Variants in SOX6 observed in about 807,000 individuals in gnomAD.
SOX6 encodes the protein transcription factor SOX-6.
SOX6 carries 11 observed loss-of-function variants against 97.8 expected under a neutral mutation model. The observed-to-expected ratio is 0.11, with a 90% CI of 0.07 to 0.19. The LOEUF is 0.19. SOX6 is among the 10% of genes least tolerant of loss of function. The probability of loss-of-function intolerance (pLI) is 1.00; values close to 1 mark genes in which losing one functional copy is unlikely to be tolerated. For synonymous variants in SOX6, 360 were observed against 371.4 expected (o/e 0.97, Z 0.35); for missense variants, 810 against 1,039.5 (o/e 0.78, Z 3.04).
chr11:16,410,218 A>C (rs1858776085), intron 1 of SOX6, among the ~76,000 whole-genome samples: 1 of 152,186 alleles, frequency 6.6e-6, no homozygotes, highest in African/African-American at 2.4e-5. Context: ...TAAATAAAGA[A>C]ATTTTAAAAG....
chr11:16,601,562 C>T (rs1848269993), intron 4 of SOX6, among the ~76,000 whole-genome samples: 1 of 151,994 alleles, frequency 6.6e-6, no homozygotes, highest in African/African-American at 2.4e-5. Context: ...TGCTTTCAAA[C>T]ATGGAAAGAG....
At chr11:16,223,464 T>C (rs1442363109) in intron 4 of SOX6, among the ~76,000 whole-genome samples, 1 of 152,166 alleles carries the variant, frequency 6.6e-6, no homozygotes, top group Non-Finnish European at 1.5e-5. Flanking sequence ...CATATTATTC[T>C]GATGTTACCC....
Position 16,735,565 on chromosome 11 carries a change from T to C in SOX6, n.353+774A>G, listed in dbSNP as rs1002779091. ...GACATATATGAAGCATCTTATTTAA[T>C]GTTGGGTTATATTGGCACAGTGGAA... is the stretch of plus-strand genomic sequence containing the variant. On this transcript the variant is annotated intron_variant and non_coding_transcript_variant, in intron 2 of 5. Transcript: ENST00000524520. 2.6e-5 allele frequency among the ~76,000 whole-genome samples: 4 copies of C among 152,202 alleles called. No individual in the cohort carries two copies. The South Asian group carries it at 6.2e-4, about 24-fold the overall frequency.
At chr11:16,407,728 G>C (rs917782105) in intron 1 of SOX6, among the ~76,000 whole-genome samples, 1 of 152,036 alleles carries the variant, frequency 6.6e-6, no homozygotes, top group Non-Finnish European at 1.5e-5. Context: ...CTTCATTTGA[G>C]CCAGCCCTGA....
chr11:16,578,627 ATTTCCTT>A (rs2133965755), intron 4 of SOX6, among the ~76,000 whole-genome samples: 1 of 152,222 alleles, frequency 6.6e-6, no homozygotes, highest in South Asian at 2.1e-4. Flanking sequence ...ATTTTGTTAG[ATTTCCTT>A]TTTCAAAATT....
chr11:16,499,904 C>T (rs1409477994), intron 4 of SOX6, among the ~76,000 whole-genome samples: 1 of 152,176 alleles, frequency 6.6e-6, no homozygotes, highest in African/African-American at 2.4e-5. Flanking sequence ...GGTACCATTC[C>T]TTCTGAAACT....
At chr11:16,068,687 C>A (rs1423839450) in intron 9 of SOX6, among the ~76,000 whole-genome samples, 1 of 152,126 alleles carries the variant, frequency 6.6e-6, no homozygotes, top group Admixed American at 6.5e-5. Flanking sequence ...TTTTCTATTG[C>A]ACCATTTTTT....
chr11:16,402,855 T>C, intron 1 of SOX6: 1 of 1,541,264 alleles, frequency 6.5e-7, no homozygotes, highest in Non-Finnish European at 8.8e-7. Flanking sequence ...CCCAATGGTC[T>C]CTCCTAACAA....
intron 6 of SOX6, among the ~76,000 whole-genome samples, chr11:16,138,009 G>C (rs544127892): frequency 6.6e-6 from 1 of 152,120 alleles, no homozygotes; most frequent in Non-Finnish European, 1.5e-5. Context: ...CCAGTCTCAG[G>C]TATGTCTTCA....
chr11:16,046,090 T>A (rs1271700148), intron 12 of SOX6, among the ~76,000 whole-genome samples: 1 of 152,140 alleles, frequency 6.6e-6, no homozygotes, highest in Non-Finnish European at 1.5e-5. Context: ...TTTTGCTTCA[T>A]TTTTTTGTCC....
intron 1 of SOX6, among the ~76,000 whole-genome samples, chr11:16,353,787 C>T (rs1394206183): frequency 1.3e-5 from 2 of 151,916 alleles, no homozygotes; most frequent in Non-Finnish European, 2.9e-5. Flanking sequence ...GCACACCTAC[C>T]AAGGTACAGA....
chr11:16,102,270 C>G (rs956172641), intron 7 of SOX6, among the ~76,000 whole-genome samples: 1 of 151,852 alleles, frequency 6.6e-6, no homozygotes, highest in Non-Finnish European at 1.5e-5. Context: ...AGAACTCAAC[C>G]CCTTTCACAA....
At chr11:16,512,329 C>T (rs1010382424) in intron 4 of SOX6, among the ~76,000 whole-genome samples, 1 of 152,154 alleles carries the variant, frequency 6.6e-6, no homozygotes, top group Non-Finnish European at 1.5e-5. Context: ...AATCAGTTTA[C>T]GGTTTCAACA....
intron 1 of SOX6, among the ~76,000 whole-genome samples, chr11:16,395,676 G>C (rs1330571211): frequency 6.6e-6 from 1 of 151,708 alleles, no homozygotes; most frequent in Non-Finnish European, 1.5e-5. Context: ...CTAAGAAAAA[G>C]TATTTCTTGG....
At chr11:16,233,889 C>T (rs998517710) in intron 4 of SOX6, among the ~76,000 whole-genome samples, 4 of 151,650 alleles carry the variant, frequency 2.6e-5, no homozygotes, top group African/African-American at 9.7e-5. Flanking sequence ...CGCCTATAGG[C>T]CCAGCTACTC....
chr11:16,675,777 GGC>G (rs1219742630), intron 3 of SOX6, among the ~76,000 whole-genome samples: 1 of 152,146 alleles, frequency 6.6e-6, no homozygotes, highest in Non-Finnish European at 1.5e-5. Flanking sequence ...ATTGCTCTCT[GGC>G]TTCCATGATT....
At chr11:16,126,946 G>A (rs1005362430) in intron 6 of SOX6, among the ~76,000 whole-genome samples, 5 of 151,868 alleles carry the variant, frequency 3.3e-5, no homozygotes, top group African/African-American at 1.2e-4. Context: ...ACCTAATCAC[G>A]GAATATCTCT....
At chr11:16,218,074 A>G (rs1467626742) in intron 4 of SOX6, among the ~76,000 whole-genome samples, 1 of 152,152 alleles carries the variant, frequency 6.6e-6, no homozygotes, top group Non-Finnish European at 1.5e-5. Flanking sequence ...ATCTATATAC[A>G]TTTTATGGAC....
chr11:16,276,979 T>C lies in SOX6; in HGVS notation c.445+41467A>G, dbSNP rs952144674. On this transcript the variant is annotated intron_variant, in intron 3 of 15. Transcript: ENST00000683767. ...TTTTCACACGCAGTGAGCATTCTAG[T>C]AAAAACAGTTTAATCTAAGACATAA... Among the ~76,000 whole-genome samples the C allele has an allele frequency of 2.0e-5, 3 of 152,262 alleles. No individual in the cohort carries two copies. The East Asian group carries it at 5.8e-4, about 29-fold the overall frequency.
Sources: allele counts gnomAD v4.1 joint callset (sites outside exome capture counted in the v4.1 genomes callset), GRCh38; gene constraint gnomAD v4.1.1; transcripts MANE v1.5; gene names NCBI Gene and HGNC (gene_info 2026-07-23, HGNC 2026-07-21).